EML1: variants seen among roughly 807,000 people sequenced by gnomAD.
EML1 encodes the protein echinoderm microtubule-associated protein-like 1.
A neutral mutation model predicts 110.4 loss-of-function variants in EML1; 27 were observed. The ratio of observed to expected loss-of-function variants is 0.24; its 90% CI spans 0.18 to 0.34. The LOEUF is 0.34. Among genes scored for constraint, EML1 ranks in the 10% least tolerant of loss-of-function variants. The pLI, the probability that EML1 is intolerant of heterozygous loss-of-function variation, is 1.00. For missense variants in EML1, 741 were observed against 1,030.9 expected (o/e 0.72, Z 3.85); for synonymous variants, 344 against 385.8 (o/e 0.89, Z 1.27).
At chr14:99,889,477 A>G (rs970562129) in intron 4 of EML1, among the ~76,000 whole-genome samples, 1 of 152,176 alleles carries the variant, frequency 6.6e-6, no homozygotes, top group African/African-American at 2.4e-5. Context: ...GGTGGGAGAA[A>G]CAAAATGAAG....
rs563215049 is a variant in EML1 at position 99,815,923 on chromosome 14, T to G, written c.67+22380T>G. Among the ~76,000 whole-genome samples the G allele has an allele frequency of 1.2e-3, 186 of 152,340 alleles. 1 individual carries two copies. The highest frequency in any genetic ancestry group is 4.4e-3 in the African/African-American group (183 of 41,574). On this transcript the variant is annotated intron_variant, in intron 1 of 21. Transcript: ENST00000262233. ...TAGAAATCTGACAGGGGTAAGAATC[T>G]GACAGGGGTAAGAATGTGGAGATTC...
At chr14:99,935,781 C>CAAAAAAAAAAAAAAAA (rs1160100015) in intron 17 of EML1, among the ~76,000 whole-genome samples, 21 of 83,712 alleles carry the variant, frequency 2.5e-4, no homozygotes, top group African/African-American at 9.7e-4. Context: ...GACTCCGTCT[C>CAAAAAAAAAAAAAAAA]AAAAAAAAAA....
In EML1 at chr14:99,914,073, A is replaced by G. The variant is rs547597940; in HGVS notation, c.1495-106A>G. On this transcript the variant is annotated intron_variant, in intron 13 of 21. Transcript: ENST00000262233. The stretch of plus-strand genomic sequence containing the variant: ...ACGTACATTATATACATATGTGTAT[A>G]TAAAACTGTTATAGGGACTATCATT... 15 of 1,370,276 alleles carry G rather than the reference A, an allele frequency of 1.1e-5. No individual in the cohort carries two copies. In the East Asian group the frequency reaches 2.4e-4, roughly 22 times the overall value. The allele number at this position is 1,370,276 out of a possible 1,614,324, so 84.9% of individuals were successfully genotyped here.
intron 2 of EML1, among the ~76,000 whole-genome samples, chr14:99,861,647 A>G (rs967485814): frequency 6.6e-6 from 1 of 151,978 alleles, no homozygotes; most frequent in Non-Finnish European, 1.5e-5. Flanking sequence ...ACGCCTGGCT[A>G]ATTTTTCTGT....
intron 17 of EML1, among the ~76,000 whole-genome samples, chr14:99,923,098 C>A (rs559999821): frequency 2.0e-5 from 3 of 152,090 alleles, no homozygotes; most frequent in Non-Finnish European, 4.4e-5. Flanking sequence ...CACACCACCA[C>A]GTCTGGCTAA....
At chr14:99,811,334 C>G (rs759130398) in intron 1 of EML1, among the ~76,000 whole-genome samples, 1 of 148,074 alleles carries the variant, frequency 6.8e-6, no homozygotes, top group Admixed American at 6.7e-5. Context: ...GTTCGAGCCA[C>G]TGTGCCTTGT....
At chr14:99,750,006 G>T (rs1402144873) in intron 1 of EML1, among the ~76,000 whole-genome samples, 1 of 152,242 alleles carries the variant, frequency 6.6e-6, no homozygotes, top group Non-Finnish European at 1.5e-5. Flanking sequence ...AGGCAGCCAG[G>T]AGTGTCCTCC....
intron 2 of EML1, among the ~76,000 whole-genome samples, chr14:99,861,997 C>T (rs2059010377): frequency 6.6e-6 from 1 of 152,014 alleles, no homozygotes; most frequent in Admixed American, 6.6e-5. Flanking sequence ...TTAGTTTGTC[C>T]CTTAAGCCCT....
At chr14:99,831,686 A>G (rs930560165) in intron 1 of EML1, among the ~76,000 whole-genome samples, 4 of 152,172 alleles carry the variant, frequency 2.6e-5, no homozygotes, top group African/African-American at 4.8e-5. Context: ...ACACAGTTCA[A>G]TACATCTTTT....
At chr14:99,907,386 T>A (rs1269599739) in intron 9 of EML1, 5 of 441,908 alleles carry the variant, frequency 1.1e-5, no homozygotes, top group Non-Finnish European at 2.0e-5. Flanking sequence ...GAGGATTGCT[T>A]GAGCCTGGGA....
intron 1 of EML1, among the ~76,000 whole-genome samples, chr14:99,807,215 C>G (rs2057992975): frequency 6.6e-6 from 1 of 152,200 alleles, no homozygotes. Flanking sequence ...AATCTACCAC[C>G]AAATTACTTT....
At chr14:99,768,407 G>A (rs1477439430), upstream of EML1, among the ~76,000 whole-genome samples, 1 of 152,186 alleles carries the variant, frequency 6.6e-6, no homozygotes, top group East Asian at 1.9e-4. Context: ...TTGTGGGGTT[G>A]ATGGAGCTGC....
intron 2 of EML1, among the ~76,000 whole-genome samples, chr14:99,860,095 C>G (rs899021307): frequency 6.6e-6 from 1 of 152,122 alleles, no homozygotes; most frequent in East Asian, 1.9e-4. Context: ...CTTGAGGACC[C>G]TTGCCCTCCT....
At chr14:99,802,662 C>T (rs577211890) in intron 1 of EML1, among the ~76,000 whole-genome samples, 4 of 151,934 alleles carry the variant, frequency 2.6e-5, no homozygotes, top group African/African-American at 7.2e-5. Context: ...GTCCAGGCCA[C>T]GGGGGAGGTG....
In EML1 at chr14:99,784,918, T is replaced by C. The variant is rs1416658506; in HGVS notation, c.-27+10905T>C. Among the ~76,000 whole-genome samples the C allele has an allele frequency of 6.6e-6, 1 of 151,980 alleles. No individual in the cohort carries two copies. The highest frequency in any genetic ancestry group is 1.5e-5 in the Non-Finnish European group (1 of 68,000). Reference sequence around the variant, plus strand: ...CCAAAGCCCCAGGGGCAGACTATTGTGGGGTGTTTGGGAAATGGAAAAGCA... The same window carrying C: ...CCAAAGCCCCAGGGGCAGACTATTGCGGGGTGTTTGGGAAATGGAAAAGCA... On this transcript the variant is annotated intron_variant, in intron 1 of 22. Transcript: ENST00000327921. This position sits in a 1 kb window ranked among gnomAD's most constrained non-coding sequence, Gnocchi z 4.5.
chr14:99,821,148 A>G (rs1325734505), intron 1 of EML1, among the ~76,000 whole-genome samples: 2 of 150,884 alleles, frequency 1.3e-5, no homozygotes, highest in Non-Finnish European at 2.9e-5. Context: ...TGAGCCGCCC[A>G]AGTGGCTAGG....
upstream of EML1, among the ~76,000 whole-genome samples, chr14:99,768,465 G>C (rs966367701): frequency 6.6e-6 from 1 of 152,128 alleles, no homozygotes; most frequent in Non-Finnish European, 1.5e-5. Context: ...GGGCACAGGC[G>C]CAGAGACACA....
intron 4 of EML1, among the ~76,000 whole-genome samples, chr14:99,882,465 G>T (rs183090072): frequency 5.0e-4 from 76 of 152,212 alleles, no homozygotes; most frequent in African/African-American, 1.8e-3. Context: ...GAAAGTTGTT[G>T]AAATGAGTTG....
intron 4 of EML1, among the ~76,000 whole-genome samples, chr14:99,889,025 C>T (rs1182620383): frequency 6.6e-6 from 1 of 152,122 alleles, no homozygotes; most frequent in Non-Finnish European, 1.5e-5. Flanking sequence ...TGAGAGAGAC[C>T]CACGGAGGCA....
Sources: gnomAD v4.1 joint callset for allele counts (sites outside exome capture counted in the v4.1 genomes callset) on GRCh38, gnomAD v4.1.1 for gene constraint, Gnocchi (gnomAD v3.1) non-coding constraint, MANE v1.5 for transcripts, NCBI Gene and HGNC (gene_info 2026-07-23, HGNC 2026-07-21) for gene names.